Variants in FGF12 observed in about 807,000 individuals in gnomAD.
FGF12 encodes fibroblast growth factor 12.
In FGF12, 14 loss-of-function variants were observed where a neutral mutation model predicts 23.6. The ratio of observed to expected loss-of-function variants is 0.59; its 90% CI spans 0.39 to 0.93. The LOEUF is 0.93. FGF12 is among the 40% of genes least tolerant of loss of function. The pLI, the probability that FGF12 is intolerant of heterozygous loss-of-function variation, is 0.00. For synonymous variants in FGF12, 62 were observed against 77.3 expected, an observed-to-expected ratio of 0.80 and a Z score of 1.04; for missense variants, 175 against 217.8, an observed-to-expected ratio of 0.80 and a Z score of 1.24.
intron 2 of FGF12, among the ~76,000 whole-genome samples, chr3:192,472,480 C>A (rs1723202594): frequency 6.6e-6 from 1 of 152,086 alleles, no homozygotes; most frequent in African/African-American, 2.4e-5. Flanking sequence ...CTGGATGACA[C>A]TCCATACTGT....
At chr3:192,595,823 A>G (rs1357014127) in intron 2 of FGF12, among the ~76,000 whole-genome samples, 1 of 152,144 alleles carries the variant, frequency 6.6e-6, no homozygotes, top group Non-Finnish European at 1.5e-5. Context: ...AGCCAAGCAC[A>G]GTGGCTCACA....
intron 4 of FGF12, among the ~76,000 whole-genome samples, chr3:192,176,186 C>A (rs1056176771): frequency 2.0e-5 from 3 of 152,178 alleles, no homozygotes; most frequent in Non-Finnish European, 4.4e-5. Context: ...TCTTGCAATG[C>A]CCCCACTTCC....
chr3:192,259,993 A>G (rs993986175), intron 4 of FGF12, among the ~76,000 whole-genome samples: 2 of 152,126 alleles, frequency 1.3e-5, no homozygotes, highest in Non-Finnish European at 2.9e-5. Flanking sequence ...GACAGAAATT[A>G]CTCAGTAAAA....
intron 4 of FGF12, among the ~76,000 whole-genome samples, chr3:192,174,202 G>A (rs561284562): frequency 1.3e-5 from 2 of 152,248 alleles, no homozygotes; most frequent in African/African-American, 4.8e-5. Flanking sequence ...AATAAATAAC[G>A]ATTCTTAGGT....
intron 4 of FGF12, among the ~76,000 whole-genome samples, chr3:192,191,697 A>G (rs1339745200): frequency 6.6e-6 from 1 of 152,016 alleles, no homozygotes; most frequent in Non-Finnish European, 1.5e-5. Context: ...TTAGCCGGGC[A>G]TGGTGGCAGG....
chr3:192,324,332 C>G (rs879356434), intron 4 of FGF12, among the ~76,000 whole-genome samples: 26 of 152,206 alleles, frequency 1.7e-4, no homozygotes, highest in Admixed American at 1.1e-3. Context: ...CAGGAACCAG[C>G]ACTAAAACTA....
chr3:192,269,228 A>G (rs940610212), intron 4 of FGF12, among the ~76,000 whole-genome samples: 1 of 152,214 alleles, frequency 6.6e-6, no homozygotes, highest in African/African-American at 2.4e-5. Flanking sequence ...CCCTACTAAG[A>G]CATTTTTAAA....
chr3:192,290,959 C>CTA (rs1207163573), intron 4 of FGF12, among the ~76,000 whole-genome samples: 1 of 152,064 alleles, frequency 6.6e-6, no homozygotes, highest in Non-Finnish European at 1.5e-5. Context: ...CGAAAAACAT[C>CTA]TATACATACA....
At chr3:192,457,644 G>T (rs958270761) in intron 2 of FGF12, among the ~76,000 whole-genome samples, 5 of 152,188 alleles carry the variant, frequency 3.3e-5, no homozygotes, top group African/African-American at 4.8e-5. Flanking sequence ...CTTGGGCACT[G>T]TTAAAAGCAT....
Position 192,409,126 on chromosome 3 carries a change from G to C in FGF12, c.14-48588C>G. On this transcript the variant is annotated intron_variant, in intron 2 of 5. Transcript: ENST00000445105. The surrounding 1 kb of genome is among the most constrained non-coding windows in gnomAD (Gnocchi z 4.8). ...GATCCTCGAGGGCCAAGCACCCCTCGGGGAGAAACCAGCGAGAGGCGATCT... is the reference window on the plus strand; with the variant it reads ...GATCCTCGAGGGCCAAGCACCCCTCCGGGAGAAACCAGCGAGAGGCGATCT... 1 of 340,592 alleles carries C rather than the reference G, an allele frequency of 2.9e-6. No homozygotes were observed. The highest frequency in any genetic ancestry group is 4.2e-6 in the Non-Finnish European group (1 of 240,272). 21.1% of individuals were successfully genotyped at this position (340,592 alleles called of 1,614,324 possible). A position where few individuals can be genotyped will look rare whatever the true frequency, so the allele number is the denominator to read the frequency against.
intron 4 of FGF12, among the ~76,000 whole-genome samples, chr3:192,175,104 TAG>T (rs1715783030): frequency 6.6e-6 from 1 of 152,190 alleles, no homozygotes; most frequent in Admixed American, 6.5e-5. Context: ...GGTAAAGACT[TAG>T]ACAATCACAT....
At chr3:192,166,580 T>C (rs936792921) in intron 5 of FGF12, among the ~76,000 whole-genome samples, 8 of 152,236 alleles carry the variant, frequency 5.3e-5, no homozygotes, top group African/African-American at 1.9e-4. Flanking sequence ...CTGCATGATT[T>C]AGGACAAATT....
chr3:192,200,879 G>A (rs1313150545), intron 4 of FGF12, among the ~76,000 whole-genome samples: 1 of 151,156 alleles, frequency 6.6e-6, no homozygotes, highest in Admixed American at 6.6e-5. Context: ...GCTCCCATTA[G>A]AACCAGAAGA....
chr3:192,576,710 T>C lies in FGF12; in HGVS notation c.13+150471A>G, dbSNP rs938717531. ...GAAAGGCAGAGAAAGAACAACAGTT[T>C]AGTCCCAAATCTGCTAGGTGGCAGG... On this transcript the variant is annotated intron_variant, in intron 2 of 5. Transcript: ENST00000445105. Among the ~76,000 whole-genome samples, 8 of 152,302 alleles carry C rather than the reference T, an allele frequency of 5.3e-5. No individual in the cohort carries two copies. In the East Asian group the frequency reaches 1.5e-3, roughly 29 times the overall value.
At chr3:192,193,407 A>T (rs1222268325) in intron 4 of FGF12, among the ~76,000 whole-genome samples, 1 of 152,178 alleles carries the variant, frequency 6.6e-6, no homozygotes, top group Non-Finnish European at 1.5e-5. Context: ...AATACTCAGA[A>T]GGGTGCTCAT....
chr3:192,631,775 G>A (rs2108656865), intron 2 of FGF12, among the ~76,000 whole-genome samples: 2 of 152,298 alleles, frequency 1.3e-5, no homozygotes, highest in East Asian at 3.9e-4. Context: ...GAGCAAATGG[G>A]TTTTGCAATA....
rs112508403 is a variant in FGF12, at chr3:192,301,207, G to A, written c.228+34154C>T. Among the ~76,000 whole-genome samples the A allele has an allele frequency of 6.6e-5, 10 of 152,242 alleles. 2 individuals carry two copies. Among genetic ancestry groups the A allele is most frequent in the Non-Finnish European group, 4.4e-5 (3 of 68,004 alleles). On this transcript the variant is annotated intron_variant, in intron 4 of 5. Coordinates refer to ENST00000445105, the MANE Select transcript of FGF12 (RefSeq NM_004113.6). Reference sequence around the variant, plus strand: ...GAGTTTGCAATATCTGGAAGGGGATGGGTTAAGACTAGGTGAAGATAAACG... The same window carrying A: ...GAGTTTGCAATATCTGGAAGGGGATAGGTTAAGACTAGGTGAAGATAAACG...
intron 2 of FGF12, among the ~76,000 whole-genome samples, chr3:192,663,480 G>A (rs1215485958): frequency 6.6e-6 from 1 of 152,090 alleles, no homozygotes; most frequent in East Asian, 1.9e-4. Context: ...CAGGCCTCCT[G>A]TGAAGCCCAT....
At chr3:192,707,959 T>A (rs1718530833) in intron 2 of FGF12, among the ~76,000 whole-genome samples, 1 of 151,798 alleles carries the variant, frequency 6.6e-6, no homozygotes, top group South Asian at 2.1e-4. Flanking sequence ...TATTATTATT[T>A]ATTTATTTAT....
Sources: allele counts gnomAD v4.1 joint callset (sites outside exome capture counted in the v4.1 genomes callset), GRCh38; gene constraint gnomAD v4.1.1; non-coding constraint Gnocchi (gnomAD v3.1); transcripts MANE v1.5; gene names NCBI Gene and HGNC (gene_info 2026-07-23, HGNC 2026-07-21).